Variants in CASK observed in about 807,000 individuals in gnomAD.
CASK encodes the protein peripheral plasma membrane protein CASK.
CASK carries 4 observed loss-of-function variants against 82.9 expected under a neutral mutation model. The ratio of observed to expected loss-of-function variants is 0.05; its 90% confidence interval spans 0.02 to 0.11. The LOEUF is 0.11. CASK is among the 10% of genes least tolerant of loss of function. The probability of loss-of-function intolerance (pLI) is 1.00; values close to 1 mark genes in which losing one functional copy is unlikely to be tolerated. For synonymous variants in CASK, 259 were observed against 253.5 expected (o/e 1.02, Z -0.20); for missense variants, 358 against 720.9 (o/e 0.50, Z 5.76).
rs193094720 is a variant in CASK at position 41,744,971 on chromosome X, C to G, written c.356+553G>C. ...AAATCATCAGAAATGGGAAAGACAG[C>G]AGTACTGAAAATGTAAGCCTGTATT... On this transcript the variant is annotated intron_variant, in intron 4 of 26. Transcript: ENST00000378163. Among the ~76,000 whole-genome samples, 874 of 111,840 alleles carry G rather than the reference C, an allele frequency of 7.8e-3. 9 individuals carry two copies. The highest frequency in any genetic ancestry group is 0.028 in the Middle Eastern group (6 of 218).
intron 5 of CASK, among the ~76,000 whole-genome samples, chrX:41,694,462 G>A (rs1290243494): frequency 8.9e-6 from 1 of 111,781 alleles, no homozygotes; most frequent in East Asian, 2.8e-4. Context: ...GCAGTCAATG[G>A]GCCAATAATA....
intron 6 of CASK, among the ~76,000 whole-genome samples, chrX:41,667,925 C>T (rs989629668): frequency 2.0e-4 from 22 of 111,590 alleles, no homozygotes; most frequent in African/African-American, 6.5e-4. Flanking sequence ...AAGGCTGTTG[C>T]GCTTTCCAAG....
intron 1 of CASK, among the ~76,000 whole-genome samples, chrX:41,901,573 T>A (rs1252644074): frequency 9.0e-6 from 1 of 111,660 alleles, no homozygotes; most frequent in Non-Finnish European, 1.9e-5. Flanking sequence ...CCAGTCAGCC[T>A]GTCCAGAAAT....
chrX:41,636,656 C>T lies in CASK; in HGVS notation c.837G>A (p.Arg279=). The part of the protein sequence containing the change: ...EALNHPWLKE[R]DRYAYKIHLP... ...GATGAATCTTGTAGGCGTAACGATC[C>T]CGCTCCTATGTAAGATGAAAGATAA... Residue 279 remains arginine, a synonymous_variant, in exon 9 of 27, where the codon CGG becomes CGA. Transcript: ENST00000378163. The T allele has an allele frequency of 8.6e-7, 1 of 1,163,277 alleles. No individual in the cohort carries two copies. Among genetic ancestry groups the T allele is most frequent in the Non-Finnish European group, 1.2e-6 (1 of 851,622 alleles).
chrX:41,890,081 A>T (rs1004909073), intron 1 of CASK, among the ~76,000 whole-genome samples: 1 of 111,784 alleles, frequency 8.9e-6, no homozygotes, highest in Non-Finnish European at 1.9e-5. Context: ...ATAGAGCCCA[A>T]GTACCCTTCA....
chrX:41,884,027 G>A (rs781059361), intron 1 of CASK, among the ~76,000 whole-genome samples: 8 of 111,705 alleles, frequency 7.2e-5, no homozygotes, highest in African/African-American at 2.6e-4. Context: ...ATCAGTGGCC[G>A]CAGTTCCCGC....
intron 2 of CASK, among the ~76,000 whole-genome samples, chrX:41,814,009 C>T (rs1170980944): frequency 8.9e-6 from 1 of 112,091 alleles, no homozygotes; most frequent in Non-Finnish European, 1.9e-5. Flanking sequence ...TCATCACTGG[C>T]CATCAGAGAA....
intron 1 of CASK, among the ~76,000 whole-genome samples, chrX:41,877,309 A>T (rs1308680535): frequency 9.0e-6 from 1 of 111,700 alleles, no homozygotes; most frequent in Non-Finnish European, 1.9e-5. Context: ...GGGGAATTAG[A>T]CTGGTCTCCA....
intron 25 of CASK, among the ~76,000 whole-genome samples, chrX:41,525,315 C>T (rs1012504636): frequency 2.7e-5 from 3 of 111,515 alleles, no homozygotes; most frequent in African/African-American, 9.8e-5. Flanking sequence ...ACCAGCCTTC[C>T]TGAACTACTT....
At chrX:41,566,433 C>T (rs1159945987) in intron 16 of CASK, among the ~76,000 whole-genome samples, 1 of 111,582 alleles carries the variant, frequency 9.0e-6, no homozygotes, top group Non-Finnish European at 1.9e-5. Context: ...CATTCCTATA[C>T]ACCAATAACA....
At chrX:41,691,089 A>T (rs1031268465) in intron 5 of CASK, among the ~76,000 whole-genome samples, 1 of 112,613 alleles carries the variant, frequency 8.9e-6, no homozygotes, top group African/African-American at 3.2e-5. Flanking sequence ...TAAACTGAAG[A>T]CTAAAGCAAA....
At chrX:41,753,551 C>T (rs2068834168) in intron 3 of CASK, among the ~76,000 whole-genome samples, 1 of 111,933 alleles carries the variant, frequency 8.9e-6, no homozygotes, top group Non-Finnish European at 1.9e-5. Flanking sequence ...AGTAAAGAGA[C>T]AAAATAGAGA....
intron 24 of CASK, 26 bp downstream of exon 24, chrX:41,534,680 T>G: frequency 9.0e-7 from 1 of 1,110,782 alleles, no homozygotes; most frequent in Non-Finnish European, 1.2e-6. Context: ...AAAAATATAA[T>G]GAAAAGAGAT....
At chrX:41,784,648 C>T (rs753974399) in intron 3 of CASK, among the ~76,000 whole-genome samples, 5 of 111,449 alleles carry the variant, frequency 4.5e-5, no homozygotes, top group East Asian at 2.8e-4. Context: ...GAGGCCGAGG[C>T]GGGCAGATCA....
rs180800933 is a variant in CASK at position 41,769,364 on chromosome X, T to A, written c.278+17814A>T. Among the ~76,000 whole-genome samples, 134 of 108,363 alleles carry A rather than the reference T, an allele frequency of 1.2e-3. 2 individuals carry two copies. Among genetic ancestry groups the A allele is most frequent in the African/African-American group, 4.4e-3 (130 of 29,578 alleles). The allele number at this position is 108,363 out of a possible 115,157, so 94.1% of individuals were successfully genotyped here. A position where few individuals can be genotyped will look rare whatever the true frequency, so the allele number is the denominator to read the frequency against. ...GTGCATACCCCCATGCTTGGCTAAT[T>A]TTTAAACTTTTTTAGAGATGAGGTC... is the stretch of plus-strand genomic sequence containing the variant. On this transcript the variant is annotated intron_variant, in intron 3 of 26. Transcript: ENST00000378163.
intron 21 of CASK, among the ~76,000 whole-genome samples, chrX:41,553,337 T>C (rs932907201): frequency 9.0e-6 from 1 of 111,548 alleles, no homozygotes; most frequent in Admixed American, 9.6e-5. Flanking sequence ...TTGCTGGTGG[T>C]GGGAATGGGA....
At chrX:41,521,693 T>C (rs776038228) in intron 26 of CASK, among the ~76,000 whole-genome samples, 1 of 112,201 alleles carries the variant, frequency 8.9e-6, no homozygotes, top group African/African-American at 3.2e-5. Context: ...TAGGGAACTT[T>C]GTGAGTCAAA....
intron 5 of CASK, among the ~76,000 whole-genome samples, chrX:41,683,920 T>C (rs1486887062): frequency 8.9e-6 from 1 of 112,223 alleles, no homozygotes; most frequent in Non-Finnish European, 1.9e-5. Flanking sequence ...GTCCTTAAGA[T>C]ATATCCCACT....
chrX:41,703,626 C>T (rs1285539544), intron 5 of CASK, among the ~76,000 whole-genome samples: 2 of 112,389 alleles, frequency 1.8e-5, no homozygotes, highest in Admixed American at 1.9e-4. Flanking sequence ...GTGGTTTCCA[C>T]TTTTTCCACT....
Sources: gnomAD v4.1 joint callset for allele counts (sites outside exome capture counted in the v4.1 genomes callset) on GRCh38, gnomAD v4.1.1 for gene constraint, MANE v1.5 for transcripts, NCBI Gene and HGNC (gene_info 2026-07-23, HGNC 2026-07-21) for gene names.